The following TASOR2 variants were observed in gnomAD, a reference collection of about 807,000 sequenced individuals.
TASOR2 encodes protein TASOR 2.
TASOR2 carries 84 observed loss-of-function variants against 199.5 expected under a neutral mutation model. That is an observed-to-expected ratio of 0.42 (90% CI 0.35 to 0.50). The LOEUF (loss-of-function observed/expected upper bound fraction) is 0.50. Among genes scored for constraint, TASOR2 ranks in the 20% least tolerant of loss-of-function variants. The probability of loss-of-function intolerance (pLI) is 0.02; values close to 1 mark genes in which losing one functional copy is unlikely to be tolerated. For missense variants in TASOR2, 2,796 were observed against 2,835.9 expected (o/e 0.99, Z 0.32); for synonymous variants, 1,103 against 1,046.6 (o/e 1.05, Z -1.04).
rs901022513 is a variant in TASOR2, at chr10:5,709,516, TTTC to T, written c.-287-3303_-287-3301del. On this transcript the variant is annotated intron_variant, in intron 1 of 20. Coordinates refer to ENST00000328090, the Ensembl canonical transcript of TASOR2. ...ATTGTTCACTTTATGATTTTTTTTC[TTTC>T]TTCATTTTAGCATTTATGACATTAA... 119 of 1,228,908 alleles carry T rather than the reference TTTC, an allele frequency of 9.7e-5. No homozygotes were observed. The African/African-American group carries it at 1.8e-3, about 18-fold the overall frequency. The allele number at this position is 1,228,908 out of a possible 1,614,324, so 76.1% of individuals were successfully genotyped here.
chr10:5,720,316 T>C lies in TASOR2; in HGVS notation c.-99-228T>C, dbSNP rs1158631287. 1 of 985,318 alleles carries C rather than the reference T, an allele frequency of 1.0e-6. No homozygotes were observed. Among genetic ancestry groups the C allele is most frequent in the Non-Finnish European group, 1.2e-6 (1 of 829,904 alleles). 61.0% of individuals were successfully genotyped at this position (985,318 alleles called of 1,614,324 possible). ...CAACTAACTATACTAAGCCATCTTC[T>C]GGCTATGATTGCCACGTGTCTGAAA... On this transcript the variant is annotated intron_variant, in intron 3 of 20. Coordinates refer to ENST00000328090, the Ensembl canonical transcript of TASOR2. The surrounding 1 kb of genome is among the most constrained non-coding windows in gnomAD (Gnocchi z 5.3).
At chr10:5,713,540 G>A (rs1832198283) in intron 2 of TASOR2, among the ~76,000 whole-genome samples, 3 of 152,048 alleles carry the variant, frequency 2.0e-5, no homozygotes, top group Admixed American at 6.6e-5. Context: ...AAGAAGGGGG[G>A]CAGATTTGTT....
Position 5,692,493 on chromosome 10 carries a change from T to C in TASOR2, c.-288+7318T>C, listed in dbSNP as rs116303287. Among the ~76,000 whole-genome samples, 1,045 of 152,244 alleles carry C rather than the reference T, an allele frequency of 6.9e-3. 19 individuals carry two copies. The highest frequency in any genetic ancestry group is 0.024 in the African/African-American group (998 of 41,554). On this transcript the variant is annotated intron_variant, in intron 1 of 20. Transcript: ENST00000328090. ...GTCCAAGAACTCGGGGGCAGTTGGC[T>C]TGCTGTCCTGTGCTCCGTTCTGACG...
chr10:5,749,497 GCCC>G (rs1837714283), exon 15 of TASOR2: 1 of 1,613,880 alleles, frequency 6.2e-7, no homozygotes, highest in South Asian at 1.1e-5. Context: ...AATCTCTGAG[GCCC>G]CATTTCTGCA....
rs767852002 is a variant in TASOR2 at position 5,720,725 on chromosome 10, A to G, written c.27-30A>G. 1.2e-6 allele frequency: 2 copies of G among 1,613,680 alleles called. No individual in the cohort carries two copies. Among genetic ancestry groups the G allele is most frequent in the African/African-American group, 2.7e-5 (2 of 75,010 alleles). The stretch of plus-strand genomic sequence containing the variant: ...GAATTTGTTCCTTTTACTCTTGTAA[A>G]CATGTTCTTTTTCTTTCTTTTTCTG... On this transcript the variant is annotated intron_variant, in intron 4 of 20. Coordinates refer to ENST00000328090, the Ensembl canonical transcript of TASOR2. This position sits in a 1 kb window ranked among gnomAD's most constrained non-coding sequence, Gnocchi z 5.3.
At chr10:5,712,634 A>G (rs1832063847) in intron 1 of TASOR2, 189 bp from the exon 2 acceptor site, 1 of 1,100,870 alleles carries the variant, frequency 9.1e-7, no homozygotes, top group Non-Finnish European at 1.2e-6. Flanking sequence ...CTTTTTAGCT[A>G]TAATTTTTCA....
At chr10:5,756,875 T>C in intron 16 of TASOR2, 137 bp downstream of exon 17, 1 of 872,444 alleles carries the variant, frequency 1.1e-6, no homozygotes, top group Non-Finnish European at 1.7e-6. Flanking sequence ...GGGAAGATGG[T>C]GTATTATAGA....
chr10:5,705,917 T>C (rs1474022996), intron 1 of TASOR2, among the ~76,000 whole-genome samples: 37 of 152,208 alleles, frequency 2.4e-4, no homozygotes. Flanking sequence ...ACTAATTTTG[T>C]GCCCTATGAA....
intron 17 of TASOR2, 143 bp from the exon 19 acceptor site, chr10:5,758,744 A>G (rs764650095): frequency 5.7e-5 from 36 of 630,654 alleles, no homozygotes; most frequent in Admixed American, 3.6e-4. Context: ...GCCCAACCAC[A>G]TAAGTGACAG....
At chr10:5,762,686 AG>A in intron 20 of TASOR2, 40 bp downstream of exon 21, 7 of 943,354 alleles carry the variant, frequency 7.4e-6, no homozygotes, top group Non-Finnish European at 1.2e-5. Context: ...TGTGAGTTGG[AG>A]TTGTTGATGG....
chr10:5,714,045 T>C lies in TASOR2; in HGVS notation c.-192+1127T>C. ...GTGAGACCTTGTCTCTATTGTATAA[T>C]AAAAAATAAAATTAAAAAAAAAAAC... On this transcript the variant is annotated intron_variant, in intron 2 of 20. Transcript: ENST00000328090. 8.3e-6 allele frequency: 5 copies of C among 600,020 alleles called. No homozygotes were observed. The South Asian group carries it at 2.8e-4, about 34-fold the overall frequency. 37.2% of individuals were successfully genotyped at this position (600,020 alleles called of 1,614,324 possible).
At chr10:5,757,095 T>C (rs1839068501) in intron 16 of TASOR2, among the ~76,000 whole-genome samples, 2 of 152,196 alleles carry the variant, frequency 1.3e-5, no homozygotes, top group Admixed American at 1.3e-4. Flanking sequence ...TCAAAGTAAT[T>C]GCTTGTCTCA....
chr10:5,746,651 C>T (rs1480880267), exon 15 of TASOR2: 3 of 1,613,974 alleles, frequency 1.9e-6, no homozygotes, highest in Non-Finnish European at 2.5e-6. Context: ...GAACGTACAA[C>T]CTTTAAGAAG....
intron 17 of TASOR2, 24 bp downstream of exon 18, chr10:5,757,697 G>A (rs1839167703): frequency 6.2e-7 from 1 of 1,609,572 alleles, no homozygotes; most frequent in Non-Finnish European, 8.5e-7. Context: ...TTCTTTTCCT[G>A]TTTCTTTGAA....
chr10:5,692,090 G>A (rs139475750), intron 1 of TASOR2, among the ~76,000 whole-genome samples: 2,001 of 134,962 alleles, frequency 0.015, 44 homozygotes, highest in African/African-American at 0.053. Context: ...CAGGGGAATC[G>A]CTTGAAACCA....
At chr10:5,688,957 C>T (rs1836111059) in intron 1 of TASOR2, among the ~76,000 whole-genome samples, 1 of 152,124 alleles carries the variant, frequency 6.6e-6, no homozygotes, top group African/African-American at 2.4e-5. Flanking sequence ...GAGCCATCAT[C>T]ATGCCACTGC....
In TASOR2 at chr10:5,748,666, G is replaced by A; in HGVS notation, c.5245G>A (p.Val1749Ile). ...AACAAAGGAGCTATTGAATGTCGGGGTTTCCTCCCTTTGTGCTGGTCCCTA... is the reference window on the plus strand; with the variant it reads ...AACAAAGGAGCTATTGAATGTCGGGATTTCCTCCCTTTGTGCTGGTCCCTA... Residue 1749 changes from valine to isoleucine, a missense_variant, in exon 15 of 21, where the codon GTT (valine) becomes ATT (isoleucine). Val to Ile is a conservative substitution (Grantham distance 29, BLOSUM62 3). Around this residue, in one of 3 missense-constraint regions of TASOR2, gnomAD observed 1,941 missense variants for 1,924.9 expected, o/e 1.01. Coordinates refer to ENST00000328090, the Ensembl canonical transcript of TASOR2. The surrounding 1 kb of genome is among the most constrained non-coding windows in gnomAD (Gnocchi z 5.1). The A allele has an allele frequency of 1.2e-6, 2 of 1,614,224 alleles. No homozygotes were observed. Among genetic ancestry groups the A allele is most frequent in the Non-Finnish European group, 8.5e-7 (1 of 1,180,046 alleles).
chr10:5,749,557 T>G, exon 15 of TASOR2: 1 of 1,613,876 alleles, frequency 6.2e-7, no homozygotes, highest in Non-Finnish European at 8.5e-7. Context: ...AGTTGTGGAG[T>G]CAGATCCCAG....
rs948165185 is a variant in TASOR2, at chr10:5,750,498, G to A, written c.6606+471G>A. Among the ~76,000 whole-genome samples the A allele has an allele frequency of 6.6e-6, 1 of 152,228 alleles. No individual in the cohort carries two copies. Among genetic ancestry groups the A allele is most frequent in the African/African-American group, 2.4e-5 (1 of 41,458 alleles). On this transcript the variant is annotated intron_variant, in intron 15 of 20. Transcript: ENST00000328090. The surrounding 1 kb of genome is among the most constrained non-coding windows in gnomAD (Gnocchi z 5.4). ...TAAATTTAAGTAATGGAACCATGGT[G>A]AAATTCTGGCATGGGCGGAGCCTGT...
Sources: allele counts gnomAD v4.1 joint callset (sites outside exome capture counted in the v4.1 genomes callset), GRCh38; gene constraint gnomAD v4.1.1; regional missense constraint gnomAD v4.1.1; non-coding constraint Gnocchi (gnomAD v3.1); transcripts MANE v1.5; gene names NCBI Gene and HGNC (gene_info 2026-07-23, HGNC 2026-07-21).